ZFHX3: variants seen among roughly 807,000 people sequenced by gnomAD.
The protein encoded by ZFHX3 is zinc finger homeobox protein 3.
ZFHX3 carries 42 observed loss-of-function variants against 279.1 expected under a neutral mutation model. The observed-to-expected ratio is 0.15, with a 90% CI of 0.12 to 0.19. The LOEUF is 0.19. ZFHX3 is among the 10% of genes least tolerant of loss of function. The pLI, the probability that ZFHX3 is intolerant of heterozygous loss-of-function variation, is 1.00. For synonymous variants in ZFHX3, 2,293 were observed against 1,957.8 expected (o/e 1.17, Z -4.52); for missense variants, 4,981 against 4,754.0 (o/e 1.05, Z -1.40).
At chr16:73,180,275 T>C (rs1967762677) in intron 5 of ZFHX3, among the ~76,000 whole-genome samples, 1 of 152,166 alleles carries the variant, frequency 6.6e-6, no homozygotes, top group Non-Finnish European at 1.5e-5. Context: ...TAAAGGCATG[T>C]TGGGAAGAGA....
intron 1 of ZFHX3, among the ~76,000 whole-genome samples, chr16:73,027,546 T>C (rs927614421): frequency 2.0e-4 from 30 of 152,328 alleles, no homozygotes; most frequent in African/African-American, 5.8e-4. Context: ...ACACAACGCA[T>C]GCTCTAGCCA....
At chr16:73,026,219 A>AAAAAAAAC (rs1964494112) in intron 1 of ZFHX3, among the ~76,000 whole-genome samples, 1 of 128,068 alleles carries the variant, frequency 7.8e-6, no homozygotes, top group Non-Finnish European at 1.6e-5. Context: ...AAAAAAAAAA[A>AAAAAAAAC]AAAGCCAGGT....
intron 1 of ZFHX3, among the ~76,000 whole-genome samples, chr16:73,839,638 C>T (rs1961247148): frequency 6.6e-6 from 1 of 152,186 alleles, no homozygotes; most frequent in Admixed American, 6.5e-5. Context: ...TTGAGTCCAT[C>T]ATGATAAATT....
chr16:73,191,976 G>A (rs1760054968), intron 5 of ZFHX3, among the ~76,000 whole-genome samples: 1 of 152,204 alleles, frequency 6.6e-6, no homozygotes, highest in Non-Finnish European at 1.5e-5. Context: ...AGCACCCTGG[G>A]CCTCCCCCGT....
intron 5 of ZFHX3, among the ~76,000 whole-genome samples, chr16:73,199,921 T>G (rs540774239): frequency 6.6e-6 from 1 of 152,196 alleles, no homozygotes; most frequent in Non-Finnish European, 1.5e-5. Context: ...AAAGAAAGCC[T>G]ATGAAGTAAC....
At chr16:73,055,183 T>G (rs1327464438) in intron 1 of ZFHX3, among the ~76,000 whole-genome samples, 2 of 152,168 alleles carry the variant, frequency 1.3e-5, no homozygotes, top group African/African-American at 4.8e-5. Flanking sequence ...GTGCACTGTC[T>G]TGCATATTCA....
intron 5 of ZFHX3, among the ~76,000 whole-genome samples, chr16:73,144,613 A>G (rs1413792175): frequency 6.6e-6 from 1 of 152,146 alleles, no homozygotes; most frequent in Admixed American, 6.6e-5. Flanking sequence ...GGGAAGGAAC[A>G]TTATACACCA....
intron 1 of ZFHX3, among the ~76,000 whole-genome samples, chr16:73,037,583 C>T (rs183509888): frequency 1.6e-4 from 24 of 152,274 alleles, no homozygotes; most frequent in East Asian, 3.9e-4. Flanking sequence ...ACCTCCTCCC[C>T]GGCTCACAGC....
chr16:73,743,429 G>T (rs1404417687), intron 1 of ZFHX3, among the ~76,000 whole-genome samples: 2 of 152,120 alleles, frequency 1.3e-5, no homozygotes, highest in African/African-American at 4.8e-5. Context: ...ATTTCTGTTT[G>T]GTCAAAGGAT....
intron 2 of ZFHX3, chr16:73,609,646 T>C (rs1476286214): frequency 6.7e-6 from 1 of 149,800 alleles, no homozygotes; most frequent in Non-Finnish European, 1.5e-5. Context: ...GATGGATGGA[T>C]GGAAGGAAGG....
intron 5 of ZFHX3, among the ~76,000 whole-genome samples, chr16:73,221,282 A>G (rs2012411263): frequency 6.6e-6 from 1 of 152,202 alleles, no homozygotes; most frequent in Non-Finnish European, 1.5e-5. Context: ...AAATACAAAG[A>G]AAAGTCACTG....
chr16:73,413,299 A>G (rs750160668), intron 3 of ZFHX3, among the ~76,000 whole-genome samples: 1 of 152,256 alleles, frequency 6.6e-6, no homozygotes, highest in Non-Finnish European at 1.5e-5. Context: ...GAGAAAGTTC[A>G]AAGGAAACTT....
rs112982654 is a variant in ZFHX3 at position 73,120,714 on chromosome 16, G to A, written c.-897+10254C>T. On this transcript the variant is annotated intron_variant, in intron 7 of 17. Transcript: ENST00000641206. ...CTGTCGCCCAGGCTGGAGTGCAGTG[G>A]CAGGATCTTGGCTCACTGCACCCTC... 6.6e-3 allele frequency among the ~76,000 whole-genome samples: 955 copies of A among 143,718 alleles called. 13 individuals are homozygous for A. Among genetic ancestry groups the A allele is most frequent in the African/African-American group, 0.024 (911 of 38,614 alleles). The allele number at this position is 143,718 out of a possible 152,430, so 94.3% of individuals were successfully genotyped here.
At chr16:73,862,136 T>C (rs2142390920) in intron 1 of ZFHX3, among the ~76,000 whole-genome samples, 1 of 152,308 alleles carries the variant, frequency 6.6e-6, no homozygotes, top group East Asian at 1.9e-4. Context: ...AGGTACCACA[T>C]AGTTCTGAAA....
chr16:73,743,210 TCTTG>T (rs1228537775), intron 1 of ZFHX3, among the ~76,000 whole-genome samples: 5 of 152,240 alleles, frequency 3.3e-5, no homozygotes, highest in African/African-American at 1.2e-4. Context: ...GCTTTGCTAC[TCTTG>T]CTTGCAAATA....
chr16:73,261,668 G>GT (rs1187489542), intron 4 of ZFHX3, among the ~76,000 whole-genome samples: 15,193 of 80,330 alleles, frequency 0.19, 2,264 homozygotes, highest in African/African-American at 0.24. Context: ...TCCTGTGATT[G>GT]TTTTTTTTTT....
At chr16:72,915,978 C>T (rs1030085371) in intron 3 of ZFHX3, among the ~76,000 whole-genome samples, 2 of 152,094 alleles carry the variant, frequency 1.3e-5, no homozygotes, top group Non-Finnish European at 2.9e-5. Flanking sequence ...TCACTTCAGC[C>T]AGAAAACATA....
At chr16:73,775,069 T>C (rs763875246) in intron 1 of ZFHX3, among the ~76,000 whole-genome samples, 13 of 152,156 alleles carry the variant, frequency 8.5e-5, no homozygotes, top group Non-Finnish European at 1.5e-4. Flanking sequence ...TTTTCAAGTA[T>C]AGACACAGCT....
intron 3 of ZFHX3, among the ~76,000 whole-genome samples, chr16:72,946,619 T>C (rs759343880): frequency 2.0e-5 from 3 of 152,186 alleles, no homozygotes; most frequent in Non-Finnish European, 4.4e-5. Flanking sequence ...GAGCTCACCA[T>C]GGACGTCACT....
Sources: allele counts gnomAD v4.1 joint callset (sites outside exome capture counted in the v4.1 genomes callset), GRCh38; gene constraint gnomAD v4.1.1; transcripts MANE v1.5; gene names NCBI Gene and HGNC (gene_info 2026-07-23, HGNC 2026-07-21).